Variants in KMT2A observed in about 807,000 individuals in gnomAD.
KMT2A encodes the protein histone-lysine N-methyltransferase 2A.
Under a neutral mutation model 345.3 loss-of-function variants are expected in KMT2A, and 16 were observed. The observed-to-expected ratio is 0.05, with a 90% confidence interval of 0.03 to 0.07. The LOEUF is 0.07. Among genes scored for constraint, KMT2A ranks in the 10% least tolerant of loss-of-function variants. KMT2A has a pLI of 1.00. For synonymous variants in KMT2A, 1,599 were observed against 1,778.6 expected (o/e 0.90, Z 2.54); for missense variants, 3,272 against 4,841.6 (o/e 0.68, Z 9.62).
intron 3 of KMT2A, among the ~76,000 whole-genome samples, chr11:118,474,793 G>A (rs1054614612): frequency 1.3e-5 from 2 of 152,166 alleles, no homozygotes; most frequent in Non-Finnish European, 2.9e-5. Flanking sequence ...AGTAGTGAGG[G>A]ATTGGAGCAA....
chr11:118,445,143 A>G (rs1160911572), intron 1 of KMT2A, among the ~76,000 whole-genome samples: 13 of 152,204 alleles, frequency 8.5e-5, no homozygotes, highest in African/African-American at 3.1e-4. Flanking sequence ...TTTGAGTGCT[A>G]TAATCTTAGA....
rs1291587290 is a variant in KMT2A at position 118,490,545 on chromosome 11, G to A, written c.4696+296G>A. Among the ~76,000 whole-genome samples the A allele has an allele frequency of 2.0e-5, 3 of 151,798 alleles. No individual in the cohort carries two copies. The highest frequency in any genetic ancestry group is 4.4e-5 in the Non-Finnish European group (3 of 67,970). Reference sequence around the variant, plus strand: ...TTTGATTATTTCAGACATTATTTTAGTTGCTACCCAAACATTTTCTTTCAG... The same window carrying A: ...TTTGATTATTTCAGACATTATTTTAATTGCTACCCAAACATTTTCTTTCAG... On this transcript the variant is annotated intron_variant, in intron 13 of 35. Transcript: ENST00000534358. The surrounding 1 kb of genome is among the most constrained non-coding windows in gnomAD (Gnocchi z 4.2).
chr11:118,438,420 G>C (rs893920880), intron 1 of KMT2A, among the ~76,000 whole-genome samples: 1 of 149,074 alleles, frequency 6.7e-6, no homozygotes, highest in Non-Finnish European at 1.5e-5. Context: ...GATGCAGAAG[G>C]GGGGAGTTCG....
Position 118,521,529 on chromosome 11 carries a change from CT to C in KMT2A, c.11643+114del. 7.8e-7 allele frequency: 1 copy of C among 1,289,176 alleles called. No homozygotes were observed. The highest frequency in any genetic ancestry group is 1.1e-6 in the Non-Finnish European group (1 of 948,056). The allele number at this position is 1,289,176 out of a possible 1,614,324, so 79.9% of individuals were successfully genotyped here. ...GTATGTTATCAATTCAGAGACCTTT[CT>C]TAAAAAAATAAACTCTGAAATTTGT... On this transcript the variant is annotated intron_variant, in intron 35 of 35. Coordinates refer to ENST00000534358, the MANE Select transcript of KMT2A (RefSeq NM_001197104.2). The surrounding 1 kb of genome is among the most constrained non-coding windows in gnomAD (Gnocchi z 5.3).
chr11:118,523,625 T>C lies in KMT2A; in HGVS notation c.*1453T>C, dbSNP rs568080544. The C allele has an allele frequency of 3.5e-5, 8 of 228,478 alleles. No individual in the cohort carries two copies. Among genetic ancestry groups the C allele is most frequent in the South Asian group, 1.8e-4 (1 of 5,482 alleles). The allele number at this position is 228,478 out of a possible 1,614,324, so 14.2% of individuals were successfully genotyped here. On this transcript the variant is annotated 3_prime_UTR_variant, in exon 36 of 36. Coordinates refer to ENST00000534358, the MANE Select transcript of KMT2A (RefSeq NM_001197104.2). ...AGCACTTCATAGGGAGAAGCACTTA[T>C]GACAAGGCTATTTTTTAAACCGCGG...
chr11:118,437,576 C>T (rs1313743691), intron 1 of KMT2A, among the ~76,000 whole-genome samples: 2 of 150,894 alleles, frequency 1.3e-5, no homozygotes. Context: ...CTCCCCCATC[C>T]CGCCCTACCC....
At position 118,524,521 on chromosome 11, in the gene KMT2A, TC is replaced by T. The variant is rs1310568046; in HGVS notation, c.*2351del. The T allele has an allele frequency of 4.4e-5, 8 of 183,566 alleles. No individual in the cohort carries two copies. The highest frequency in any genetic ancestry group is 7.0e-5 in the Non-Finnish European group (6 of 86,072). The allele number at this position is 183,566 out of a possible 1,614,324, so 11.4% of individuals were successfully genotyped here. On this transcript the variant is annotated 3_prime_UTR_variant, in exon 36 of 36. Transcript: ENST00000534358. Reference sequence around the variant, plus strand: ...CACTGTGGCCAGGATGGCAGAGACTTCCTTGTCATCATGGAGAAGTGCCAGC... The same window carrying T: ...CACTGTGGCCAGGATGGCAGAGACTTCTTGTCATCATGGAGAAGTGCCAGC...
At chr11:118,445,867 G>A (rs560820420) in intron 1 of KMT2A, among the ~76,000 whole-genome samples, 1 of 151,812 alleles carries the variant, frequency 6.6e-6, no homozygotes, top group South Asian at 2.1e-4. Flanking sequence ...GCTGGGTGTG[G>A]TGGTTGCGCA....
Position 118,502,520 on chromosome 11 carries a change from C to T in KMT2A, c.6628C>T (p.Leu2210Phe), listed in dbSNP as rs1555046049. ...TTCCTTATCACCCCAGCGGTCCAAA[C>T]TCCGGATAATGTCTCCAATGAGAAC... ...TSSLSPQRSKLRIMSPMRTGN... is the reference protein window; with the variant it reads ...TSSLSPQRSKFRIMSPMRTGN... The change falls in exon 27 of 36, where the codon CTC becomes TTC. Residue 2210 changes from leucine to phenylalanine, a missense_variant. Leu to Phe is a conservative substitution (Grantham distance 22). Around this residue, in one of 27 missense-constraint regions of KMT2A, gnomAD observed 445 missense variants for 500.9 expected, o/e 0.89. Coordinates refer to ENST00000534358, the MANE Select transcript of KMT2A (RefSeq NM_001197104.2). This position sits in a 1 kb window ranked among gnomAD's most constrained non-coding sequence, Gnocchi z 4.9. 6.2e-7 allele frequency: 1 copy of T among 1,614,140 alleles called. No individual in the cohort carries two copies.
chr11:118,440,933 A>G (rs1555139981), intron 1 of KMT2A, among the ~76,000 whole-genome samples: 1 of 152,072 alleles, frequency 6.6e-6, no homozygotes, highest in African/African-American at 2.4e-5. Flanking sequence ...GCCTCCGAGT[A>G]GAAGTCAGTG....
In KMT2A at chr11:118,521,661, C is replaced by A. The variant is rs1555053610; in HGVS notation, c.11644-236C>A. Among the ~76,000 whole-genome samples the A allele has an allele frequency of 6.6e-6, 1 of 152,176 alleles. No homozygotes were observed. The highest frequency in any genetic ancestry group is 1.9e-4 in the East Asian group (1 of 5,206). On this transcript the variant is annotated intron_variant, in intron 35 of 35. Transcript: ENST00000534358. The surrounding 1 kb of genome is among the most constrained non-coding windows in gnomAD (Gnocchi z 5.3). ...CTAGTATCAGAAGCAAATAGCTATA[C>A]AAGTTTTAGGTTTCTCTCTCCTGCA...
Position 118,477,952 on chromosome 11 carries a change from A to G in KMT2A, c.3335-15A>G. On this transcript the variant is annotated splice_polypyrimidine_tract_variant and intron_variant, in intron 4 of 35. Coordinates refer to ENST00000534358, the MANE Select transcript of KMT2A (RefSeq NM_001197104.2). ...TCAGTACTCCCTTGGAACTAATGCC[A>G]CATTTCTTTAACAGACAAGTCATCA... 1 of 1,609,122 alleles carries G rather than the reference A, an allele frequency of 6.2e-7. No individual in the cohort carries two copies. Among genetic ancestry groups the G allele is most frequent in the Non-Finnish European group, 8.5e-7 (1 of 1,175,628 alleles).
chr11:118,458,056 T>C, intron 1 of KMT2A: 1 of 275,264 alleles, frequency 3.6e-6, no homozygotes, highest in South Asian at 2.8e-5. Context: ...CCCTATGCAT[T>C]TTTTTTTGAG....
At position 118,522,245 on chromosome 11, in the gene KMT2A, A is replaced by G; in HGVS notation, c.*73A>G. 1 of 1,535,502 alleles carries G rather than the reference A, an allele frequency of 6.5e-7. No individual in the cohort carries two copies. The highest frequency in any genetic ancestry group is 8.9e-7 in the Non-Finnish European group (1 of 1,124,308). On this transcript the variant is annotated 3_prime_UTR_variant, in exon 36 of 36. Transcript: ENST00000534358. The surrounding 1 kb of genome is among the most constrained non-coding windows in gnomAD (Gnocchi z 5.4). ...CAAAGCAACGCTGAAGGCCTTTTCC[A>G]GCAGCTGGGAGCTCCCGGATTGCGT...
chr11:118,456,338 A>G (rs76150240), intron 1 of KMT2A, among the ~76,000 whole-genome samples: 1 of 151,976 alleles, frequency 6.6e-6, no homozygotes, highest in Non-Finnish European at 1.5e-5. Flanking sequence ...AATTTAAAAA[A>G]TGAACCTTTT....
At chr11:118,450,765 G>A (rs1555028607) in intron 1 of KMT2A, 1 of 152,182 alleles carries the variant, frequency 6.6e-6, no homozygotes, top group African/African-American at 2.4e-5. Context: ...GAGAGAATCT[G>A]CCCTTGTTCC....
chr11:118,467,471 A>T (rs1949867009), intron 1 of KMT2A, among the ~76,000 whole-genome samples: 1 of 152,166 alleles, frequency 6.6e-6, no homozygotes, highest in Non-Finnish European at 1.5e-5. Context: ...AATCTTAGCA[A>T]TCTCAGAGCA....
intron 1 of KMT2A, among the ~76,000 whole-genome samples, chr11:118,463,343 A>C (rs1042954675): frequency 2.0e-5 from 3 of 152,214 alleles, no homozygotes; most frequent in Non-Finnish European, 4.4e-5. Context: ...TTGAGCTGTC[A>C]ATCATTGTAG....
In KMT2A at chr11:118,491,377, C is replaced by G; in HGVS notation, c.4819+59C>G. 6.5e-7 allele frequency: 1 copy of G among 1,526,802 alleles called. No individual in the cohort carries two copies. Among genetic ancestry groups the G allele is most frequent in the Non-Finnish European group, 8.9e-7 (1 of 1,125,750 alleles). 94.6% of individuals were successfully genotyped at this position (1,526,802 alleles called of 1,614,324 possible). A position where few individuals can be genotyped will look rare whatever the true frequency, so the allele number is the denominator to read the frequency against. ...TAGGTACTACTACATTTATTAGCCT[C>G]TAGAGCACTTTAAACCTAAAATTAT... On this transcript the variant is annotated intron_variant, in intron 14 of 35. Transcript: ENST00000534358. This position sits in a 1 kb window ranked among gnomAD's most constrained non-coding sequence, Gnocchi z 4.2.
Sources: allele counts gnomAD v4.1 joint callset (sites outside exome capture counted in the v4.1 genomes callset), GRCh38; gene constraint gnomAD v4.1.1; regional missense constraint gnomAD v4.1.1; non-coding constraint Gnocchi (gnomAD v3.1); transcripts MANE v1.5; gene names NCBI Gene and HGNC (gene_info 2026-07-23, HGNC 2026-07-21).